Variants in XYLB observed in about 807,000 individuals in gnomAD.
XYLB encodes the protein xylulose kinase.
A neutral mutation model predicts 78.7 loss-of-function variants in XYLB; 62 were observed. That is an observed-to-expected ratio of 0.79 (90% CI 0.64 to 0.97). The LOEUF is 0.97. XYLB is among the 50% of genes least tolerant of loss of function. The probability of loss-of-function intolerance (pLI) is 0.00; values close to 1 mark genes in which losing one functional copy is unlikely to be tolerated. For synonymous variants in XYLB, 245 were observed against 247.4 expected (o/e 0.99, Z 0.09); for missense variants, 687 against 676.8 (o/e 1.02, Z -0.17).
At chr3:38,372,450 A>G in intron 9 of XYLB, 1 of 985,406 alleles carries the variant, frequency 1.0e-6, no homozygotes, top group Non-Finnish European at 1.2e-6. Context: ...CCAAACCTGC[A>G]CTGGACTTCT....
rs542123313 is a variant in XYLB at position 38,410,611 on chromosome 3, G to C, written c.1534-2325G>C. 2.9e-3 allele frequency among the ~76,000 whole-genome samples: 442 copies of C among 152,218 alleles called. 7 individuals are homozygous for C. The highest frequency in any genetic ancestry group is 9.9e-3 in the African/African-American group (412 of 41,522). The stretch of plus-strand genomic sequence containing the variant: ...AGCGAACAGGTAACCTACAAAATGG[G>C]AGAAAATTTTTGCAATCTACTCATC... On this transcript the variant is annotated intron_variant, in intron 18 of 18. Transcript: ENST00000207870.
Position 38,401,050 on chromosome 3 carries a change from C to T in XYLB, c.1533+65C>T, listed in dbSNP as rs765120580. On this transcript the variant is annotated intron_variant, in intron 18 of 18. Coordinates refer to ENST00000207870, the MANE Select transcript of XYLB (RefSeq NM_005108.4). ...TGAAAGCCCGCTAGGGTTTTTTCCC[C>T]CACCAAAAGGTCACCTACATTGAAC... The T allele has an allele frequency of 5.6e-6, 8 of 1,434,036 alleles. No homozygotes were observed. The African/African-American group carries it at 7.0e-5, about 13-fold the overall frequency. The allele number at this position is 1,434,036 out of a possible 1,614,324, so 88.8% of individuals were successfully genotyped here.
rs534059458 is a variant in XYLB at position 38,395,305 on chromosome 3, G to A, written c.1292-200G>A. On this transcript the variant is annotated intron_variant, in intron 15 of 18. Coordinates refer to ENST00000207870, the MANE Select transcript of XYLB (RefSeq NM_005108.4). ...TATTAAAGACAGTTAAGGTGGGTGG[G>A]GCAGCAACCTTACAAGCAAATGAAT... 1.4e-4 allele frequency among the ~76,000 whole-genome samples: 22 copies of A among 152,212 alleles called. 1 individual carries two copies. Among genetic ancestry groups the A allele is most frequent in the African/African-American group, 5.3e-4 (22 of 41,536 alleles).
chr3:38,388,891 A>C (rs1194092187), intron 15 of XYLB, among the ~76,000 whole-genome samples: 1 of 152,090 alleles, frequency 6.6e-6, no homozygotes, highest in Non-Finnish European at 1.5e-5. Flanking sequence ...AGGCCTATTA[A>C]GGCATACTTC....
Position 38,376,934 on chromosome 3 carries a change from A to G in XYLB, c.1137A>G (p.Val379=), listed in dbSNP as rs1457444705. 8 of 1,613,790 alleles carry G rather than the reference A, an allele frequency of 5.0e-6. No homozygotes were observed. Among genetic ancestry groups the G allele is most frequent in the Non-Finnish European group, 6.8e-6 (8 of 1,179,884 alleles). The change falls in exon 14 of 19, where the codon GTA becomes GTG. Residue 379 remains valine (V), a synonymous_variant. Transcript: ENST00000207870. ...NGGNLGFYFD[V]MEITPEIIGR... Reference sequence around the variant, plus strand: ...TTATTTCAGGTTTTTATTTTGATGTAATGGAGATCACCCCTGAAATTATTG... The same window carrying G: ...TTATTTCAGGTTTTTATTTTGATGTGATGGAGATCACCCCTGAAATTATTG...
At chr3:38,380,039 C>G (rs1198084151) in intron 15 of XYLB, among the ~76,000 whole-genome samples, 1 of 152,106 alleles carries the variant, frequency 6.6e-6, no homozygotes, top group African/African-American at 2.4e-5. Flanking sequence ...TGGCTCAGGT[C>G]TCCCTTCCTC....
At chr3:38,347,024 C>A (rs1453876249) in intron 1 of XYLB, 99 bp downstream of exon 1, 1 of 1,206,690 alleles carries the variant, frequency 8.3e-7, no homozygotes, top group Non-Finnish European at 1.1e-6. Context: ...ATGGGCCCGG[C>A]CGCGGGCGCG....
intron 17 of XYLB, among the ~76,000 whole-genome samples, chr3:38,398,647 T>G (rs1313251571): frequency 2.7e-5 from 4 of 150,808 alleles, no homozygotes; most frequent in Non-Finnish European, 4.4e-5. Context: ...TGAGTCTGCC[T>G]GCCTGCCTGC....
chr3:38,452,193 C>G, the XYLB span: 3 of 152,170 alleles, frequency 2.0e-5, no homozygotes, highest in Non-Finnish European at 4.4e-5. Context: ...CACACAGTCG[C>G]ATAGTATTCA....
At chr3:38,420,840 A>G (rs1472275453), downstream of XYLB, among the ~76,000 whole-genome samples, 1 of 152,208 alleles carries the variant, frequency 6.6e-6, no homozygotes, top group Admixed American at 6.5e-5. Flanking sequence ...GCAATGGGAC[A>G]TGCTCATGAT....
intron 9 of XYLB, 124 bp downstream of exon 9, chr3:38,370,298 C>T (rs1020579470): frequency 4.4e-6 from 3 of 687,730 alleles, no homozygotes; most frequent in Non-Finnish European, 7.6e-6. Context: ...TTCACTCACC[C>T]ACAGGCATAC....
the XYLB span, among the ~76,000 whole-genome samples, chr3:38,428,054 A>G: frequency 6.6e-5 from 10 of 152,214 alleles, no homozygotes. Context: ...TTCTGCTCAA[A>G]ATGTTTTCTG....
the XYLB span, among the ~76,000 whole-genome samples, chr3:38,447,260 C>CA: frequency 6.6e-6 from 1 of 152,146 alleles, no homozygotes; most frequent in South Asian, 2.1e-4. Context: ...ATTATAAAGA[C>CA]AAAAAATAAC....
At chr3:38,382,709 C>A (rs1707207756) in intron 15 of XYLB, among the ~76,000 whole-genome samples, 1 of 152,124 alleles carries the variant, frequency 6.6e-6, no homozygotes, top group South Asian at 2.1e-4. Flanking sequence ...CAGAAGAGAA[C>A]CCCAGGGAAC....
the XYLB span, among the ~76,000 whole-genome samples, chr3:38,443,104 C>A: frequency 6.6e-6 from 1 of 152,188 alleles, no homozygotes; most frequent in African/African-American, 2.4e-5. Context: ...GGAGAAATAC[C>A]TGGTTACAGG....
At chr3:38,423,599 A>G (rs1370546949), downstream of XYLB, among the ~76,000 whole-genome samples, 1 of 152,230 alleles carries the variant, frequency 6.6e-6, no homozygotes, top group African/African-American at 2.4e-5. Context: ...TCCTGTGGTA[A>G]ACAACCTGCA....
Position 38,409,949 on chromosome 3 carries a change from C to A in XYLB, c.1534-2987C>A, listed in dbSNP as rs149288172. On this transcript the variant is annotated intron_variant, in intron 18 of 18. Coordinates refer to ENST00000207870, the MANE Select transcript of XYLB (RefSeq NM_005108.4). Reference sequence around the variant, plus strand: ...GGAGGAATCAATATCACGAAAATGGCCATACTGCCCAAGGTAATTTATAGA... The same window carrying A: ...GGAGGAATCAATATCACGAAAATGGACATACTGCCCAAGGTAATTTATAGA... Among the ~76,000 whole-genome samples the A allele has an allele frequency of 3.3e-3, 506 of 152,236 alleles. 5 individuals are homozygous for A. Among genetic ancestry groups the A allele is most frequent in the African/African-American group, 0.012 (482 of 41,532 alleles).
rs935106051 is a variant in XYLB, at chr3:38,348,572, C to G, written c.80C>G (p.Ala27Gly). The G allele has an allele frequency of 6.2e-7, 1 of 1,614,090 alleles. No homozygotes were observed. Among genetic ancestry groups the G allele is most frequent in the Non-Finnish European group, 8.5e-7 (1 of 1,180,012 alleles). Reference sequence around the variant, plus strand: ...CAGGTAAAGGTTGTTGCTGTTGATGCAGAGTTGAATGTCTTCTATGAGGAA... The same window carrying G: ...CAGGTAAAGGTTGTTGCTGTTGATGGAGAGTTGAATGTCTTCTATGAGGAA... Reference protein sequence around the residue: ...TQQVKVVAVDAELNVFYEESV... With the variant: ...TQQVKVVAVDGELNVFYEESV... Residue 27 changes from alanine to glycine, a missense_variant, in exon 2 of 19, where the codon GCA (alanine) becomes GGA (glycine). By Grantham distance (60) the Ala-to-Gly change is moderately conservative. Coordinates refer to ENST00000207870, the MANE Select transcript of XYLB (RefSeq NM_005108.4).
intron 2 of XYLB, among the ~76,000 whole-genome samples, chr3:38,350,709 T>C (rs1705309594): frequency 6.6e-6 from 1 of 152,176 alleles, no homozygotes; most frequent in South Asian, 2.1e-4. Context: ...ATGCTATAAA[T>C]TTCTCTGTAA....
Sources: gnomAD v4.1 joint callset for allele counts (sites outside exome capture counted in the v4.1 genomes callset) on GRCh38, gnomAD v4.1.1 for gene constraint, MANE v1.5 for transcripts, NCBI Gene and HGNC (gene_info 2026-07-23, HGNC 2026-07-21) for gene names.